The following TRUB1 variants were observed in gnomAD, a reference collection of about 807,000 sequenced individuals.
TRUB1 encodes pseudouridylate synthase TRUB1.
In TRUB1, 23 loss-of-function variants were observed where a neutral mutation model predicts 33.9. The observed-to-expected ratio is 0.68, with a 90% CI of 0.49 to 0.96. TRUB1 has a LOEUF of 0.96. Among genes scored for constraint, TRUB1 ranks in the 40% least tolerant of loss-of-function variants. The pLI, the probability that TRUB1 is intolerant of heterozygous loss-of-function variation, is 0.00. For synonymous variants in TRUB1, 163 were observed against 165.4 expected, an observed-to-expected ratio of 0.99 and a Z score of 0.11; for missense variants, 378 against 422.2, an observed-to-expected ratio of 0.90 and a Z score of 0.92.
At chr10:114,952,975 A>C (rs2084243897) in intron 3 of TRUB1, among the ~76,000 whole-genome samples, 1 of 152,158 alleles carries the variant, frequency 6.6e-6, no homozygotes, top group African/African-American at 2.4e-5. Flanking sequence ...TTATGTTAAT[A>C]ATAAAAAAGA....
chr10:114,967,268 CTTTG>C (rs1188366520), intron 4 of TRUB1, among the ~76,000 whole-genome samples: 2 of 152,154 alleles, frequency 1.3e-5, no homozygotes, highest in African/African-American at 2.4e-5. Flanking sequence ...ATGAGACTTG[CTTTG>C]TTTGTTTCTT....
rs143328083 is a variant in TRUB1 at position 114,964,642 on chromosome 10, A to G, written c.523+4835A>G. ...TGAAGATATTTTCCTATGTTCTAGA[A>G]GCTGTTATTGCTTTGCCTTTCATGT... On this transcript the variant is annotated intron_variant, in intron 4 of 7. Transcript: ENST00000298746. Among the ~76,000 whole-genome samples, 1,125 of 152,226 alleles carry G rather than the reference A, an allele frequency of 7.4e-3. 15 individuals carry two copies. Among genetic ancestry groups the G allele is most frequent in the African/African-American group, 0.026 (1,067 of 41,546 alleles).
At position 114,942,687 on chromosome 10, in the gene TRUB1, A is replaced by C; in HGVS notation, c.329A>C (p.Gln110Pro). 1 of 1,614,148 alleles carries C rather than the reference A, an allele frequency of 6.2e-7. No homozygotes were observed. Among genetic ancestry groups the C allele is most frequent in the South Asian group, 1.1e-5 (1 of 91,080 alleles). ...CCAGAATGGACCAAGAGGAAAAAGCAGACTTTGAAAATTGGGCATGGAGGG... is the reference window on the plus strand; with the variant it reads ...CCAGAATGGACCAAGAGGAAAAAGCCGACTTTGAAAATTGGGCATGGAGGG... ...PSPEWTKRKK[Q>P]TLKIGHGGTL... The change falls in exon 2 of 8, where the codon CAG becomes CCG. Residue 110 changes from glutamine to proline, a missense_variant. By Grantham distance (76) the Gln-to-Pro change is moderately conservative. Coordinates refer to ENST00000298746, the MANE Select transcript of TRUB1 (RefSeq NM_139169.5).
At chr10:114,942,230 A>G (rs1186759080) in intron 1 of TRUB1, among the ~76,000 whole-genome samples, 1 of 152,242 alleles carries the variant, frequency 6.6e-6, no homozygotes, top group Non-Finnish European at 1.5e-5. Context: ...AGCAAAGACC[A>G]TGGAAGAGAT....
chr10:114,952,879 A>G (rs2084243264), intron 3 of TRUB1, among the ~76,000 whole-genome samples: 1 of 152,078 alleles, frequency 6.6e-6, no homozygotes, highest in Non-Finnish European at 1.5e-5. Context: ...AAGATGAACA[A>G]TGTTTACTTT....
intron 4 of TRUB1, among the ~76,000 whole-genome samples, chr10:114,960,895 A>G (rs2084282350): frequency 6.6e-6 from 1 of 152,102 alleles, no homozygotes; most frequent in South Asian, 2.1e-4. Context: ...TTATGTAATT[A>G]AGTCTCCTGT....
At chr10:114,938,695 G>A (rs1176394828) in intron 1 of TRUB1, among the ~76,000 whole-genome samples, 156 bp downstream of exon 1, 1 of 152,204 alleles carries the variant, frequency 6.6e-6, no homozygotes, top group Non-Finnish European at 1.5e-5. Context: ...GGCATCTCGG[G>A]CTTGGACTTG....
rs1412494612 is a variant in TRUB1 at position 114,938,340 on chromosome 10, A to G, written c.87A>G (p.Ala29=). 6.2e-7 allele frequency: 1 copy of G among 1,610,604 alleles called. No individual in the cohort carries two copies. Among genetic ancestry groups the G allele is most frequent in the Non-Finnish European group, 8.5e-7 (1 of 1,178,524 alleles). The part of the protein sequence containing the change: ...SPVLETAGTV[A]AMAATPSARA... ...TCCTTGAAACTGCAGGAACGGTCGC[A>G]GCAATGGCTGCGACCCCGTCAGCAA... The change falls in exon 1 of 8, where the codon GCA becomes GCG. Residue 29 remains alanine, a synonymous_variant. Coordinates refer to ENST00000298746, the MANE Select transcript of TRUB1 (RefSeq NM_139169.5).
intron 3 of TRUB1, among the ~76,000 whole-genome samples, chr10:114,956,734 G>C (rs1156942912): frequency 6.6e-6 from 1 of 152,074 alleles, no homozygotes; most frequent in African/African-American, 2.4e-5. Flanking sequence ...ATTACTAGAT[G>C]TGCAATGACA....
intron 1 of TRUB1, 26 bp downstream of exon 1, chr10:114,938,565 G>C (rs767236170): frequency 4.6e-6 from 7 of 1,507,702 alleles, no homozygotes; most frequent in Non-Finnish European, 6.2e-6. Flanking sequence ...TGGGGACCAG[G>C]CTGAGGCGGT....
chr10:114,970,540 A>G (rs1460760553), intron 5 of TRUB1, 100 bp downstream of exon 5: 1 of 904,620 alleles, frequency 1.1e-6, no homozygotes, highest in East Asian at 2.4e-5. Flanking sequence ...AGCATATGGC[A>G]AGGCAGGTTT....
chr10:114,959,934 A>G (rs926246829), intron 4 of TRUB1, 127 bp downstream of exon 4: 1 of 623,438 alleles, frequency 1.6e-6, no homozygotes, highest in Non-Finnish European at 2.8e-6. Flanking sequence ...CTTTGGGCTA[A>G]GAAGATTGGA....
At chr10:114,961,514 T>C (rs2084285173) in intron 4 of TRUB1, among the ~76,000 whole-genome samples, 1 of 152,210 alleles carries the variant, frequency 6.6e-6, no homozygotes, top group Non-Finnish European at 1.5e-5. Context: ...TTTAGTATTT[T>C]AAAAAGCTCT....
chr10:114,942,868 A>T, intron 2 of TRUB1, 125 bp downstream of exon 2: 1 of 664,188 alleles, frequency 1.5e-6, no homozygotes, highest in Non-Finnish European at 2.6e-6. Flanking sequence ...TTTCAGATCT[A>T]CTGGATATAT....
intron 4 of TRUB1, among the ~76,000 whole-genome samples, chr10:114,962,292 C>T (rs146667941): frequency 1.3e-5 from 2 of 152,154 alleles, no homozygotes; most frequent in East Asian, 3.9e-4. Context: ...CTGATCAGCA[C>T]TCAAACATAC....
chr10:114,974,999 G>A, intron 7 of TRUB1, 124 bp from the exon 8 acceptor site: 3 of 1,126,782 alleles, frequency 2.7e-6, no homozygotes, highest in Admixed American at 5.6e-5. Flanking sequence ...TCTTATATTG[G>A]ATTATTATAC....
chr10:114,953,177 T>C (rs2084244878), intron 3 of TRUB1, among the ~76,000 whole-genome samples: 1 of 152,182 alleles, frequency 6.6e-6, no homozygotes, highest in Non-Finnish European at 1.5e-5. Flanking sequence ...AAATACATCA[T>C]TGACTCTGGT....
intron 4 of TRUB1, among the ~76,000 whole-genome samples, chr10:114,966,346 A>G (rs764299992): frequency 6.6e-6 from 1 of 152,164 alleles, no homozygotes; most frequent in Non-Finnish European, 1.5e-5. Flanking sequence ...CCATTGATGT[A>G]TTTATTTTTA....
At chr10:114,945,205 G>C (rs2084206358) in intron 2 of TRUB1, among the ~76,000 whole-genome samples, 1 of 152,192 alleles carries the variant, frequency 6.6e-6, no homozygotes, top group Admixed American at 6.5e-5. Context: ...GCCCAGATCT[G>C]CTCAGTTCCA....
Sources: gnomAD v4.1 joint callset for allele counts (sites outside exome capture counted in the v4.1 genomes callset) on GRCh38, gnomAD v4.1.1 for gene constraint, MANE v1.5 for transcripts, NCBI Gene and HGNC (gene_info 2026-07-23, HGNC 2026-07-21) for gene names.